The following TRERF1 variants were observed in gnomAD, a reference collection of about 807,000 sequenced individuals.
The protein encoded by TRERF1 is transcriptional regulating factor 1.
In TRERF1, 27 loss-of-function variants were observed where a neutral mutation model predicts 122.9. That is an observed-to-expected ratio of 0.22 (90% CI 0.16 to 0.30). The LOEUF (loss-of-function observed/expected upper bound fraction) is 0.30, where lower values mean the gene tolerates loss of function less well. TRERF1 is among the 10% of genes least tolerant of loss of function. The probability of loss-of-function intolerance (pLI) is 1.00; values close to 1 mark genes in which losing one functional copy is unlikely to be tolerated. For synonymous variants in TRERF1, 636 were observed against 641.7 expected, an observed-to-expected ratio of 0.99 and a Z score of 0.13; for missense variants, 1,248 against 1,560.3, an observed-to-expected ratio of 0.80 and a Z score of 3.37.
chr6:42,439,430 G>C (rs757735174), intron 2 of TRERF1, among the ~76,000 whole-genome samples: 3 of 152,074 alleles, frequency 2.0e-5, no homozygotes, highest in Non-Finnish European at 4.4e-5. Context: ...TTAAGAAGCT[G>C]AAAGTCGGCT....
chr6:42,259,695 A>G lies in TRERF1; in HGVS notation c.1913T>C (p.Val638Ala). The G allele has an allele frequency of 6.2e-7, 1 of 1,604,984 alleles. No homozygotes were observed. The highest frequency in any genetic ancestry group is 8.5e-7 in the Non-Finnish European group (1 of 1,179,960). ...CTTGAGGGGCTCCTCGGCTTTGGGC[A>G]CACTCGGCTGATGCTTCCTGGGGAT... Residue 638 changes from valine to alanine, a missense_variant, in exon 9 of 18, where the codon GTG becomes GCG. By Grantham distance (64) the Val-to-Ala change is moderately conservative. This residue lies in a region of TRERF1 where 946 missense variants were observed against 1,073.0 expected (regional missense o/e 0.88). Transcript: ENST00000372922. This position sits in a 1 kb window ranked among gnomAD's most constrained non-coding sequence, Gnocchi z 4.9.
intron 2 of TRERF1, among the ~76,000 whole-genome samples, chr6:42,388,811 T>G (rs989531971): frequency 1.3e-5 from 2 of 152,180 alleles, no homozygotes; most frequent in Non-Finnish European, 2.9e-5. Context: ...TAGCAGACAG[T>G]CCAGCTTATG....
At chr6:42,246,285 T>A (rs948865529) in intron 14 of TRERF1, among the ~76,000 whole-genome samples, 171 bp downstream of exon 14, 3 of 152,092 alleles carry the variant, frequency 2.0e-5, no homozygotes, top group African/African-American at 7.2e-5. Context: ...CCTGCCACAG[T>A]CCTAACACTG....
intron 2 of TRERF1, among the ~76,000 whole-genome samples, chr6:42,385,612 C>A (rs1776671842): frequency 6.6e-6 from 1 of 152,282 alleles, no homozygotes; most frequent in Admixed American, 6.5e-5. Context: ...TGGCAGGCAC[C>A]TCTAGAAGCC....
chr6:42,372,393 G>A (rs260239), intron 2 of TRERF1, among the ~76,000 whole-genome samples: 1 of 151,868 alleles, frequency 6.6e-6, no homozygotes, highest in Non-Finnish European at 1.5e-5. Context: ...TGGGCTACAG[G>A]GACAGTTCTT....
At position 42,436,812 on chromosome 6, in the gene TRERF1, AAAAT is replaced by A. The variant is rs1346409471; in HGVS notation, c.-454+14361_-454+14364del. ...CAATCTCCCTCTACAAAAAAAAAAAAAAATATATATATATATATATATATATATA... is the reference window on the plus strand; with the variant it reads ...CAATCTCCCTCTACAAAAAAAAAAAAATATATATATATATATATATATATA... On this transcript the variant is annotated intron_variant, in intron 2 of 17. Transcript: ENST00000372922. Among the ~76,000 whole-genome samples, 824 of 97,752 alleles carry A rather than the reference AAAAT, an allele frequency of 8.4e-3. 2 individuals carry two copies. The highest frequency in any genetic ancestry group is 0.029 in the East Asian group (83 of 2,898). The allele number at this position is 97,752 out of a possible 152,430, so 64.1% of individuals were successfully genotyped here.
In TRERF1 at chr6:42,296,769, A is replaced by C. The variant is rs61348418; in HGVS notation, c.-259+3869T>G. 1.1e-3 allele frequency among the ~76,000 whole-genome samples: 174 copies of C among 152,314 alleles called. 1 individual carries two copies. The East Asian group carries it at 0.022, about 19-fold the overall frequency. ...GAAGGGAAGAAGGTGAGAAGGAGAGAGTAGCATAAGGAGGAAAGGAAGCCA... is the reference window on the plus strand; with the variant it reads ...GAAGGGAAGAAGGTGAGAAGGAGAGCGTAGCATAAGGAGGAAAGGAAGCCA... On this transcript the variant is annotated intron_variant, in intron 4 of 17. Coordinates refer to ENST00000372922, the Ensembl canonical transcript of TRERF1.
Position 42,233,487 on chromosome 6 carries a change from G to A in TRERF1, c.3067-595C>T, listed in dbSNP as rs371654678. Among the ~76,000 whole-genome samples, 496 of 151,586 alleles carry A rather than the reference G, an allele frequency of 3.3e-3. 2 individuals carry two copies. Among genetic ancestry groups the A allele is most frequent in the African/African-American group, 5.8e-3 (238 of 41,306 alleles). On this transcript the variant is annotated intron_variant, in intron 16 of 17. Transcript: ENST00000372922. ...GTTTTAGTAGAGACAGGGTTTCACC[G>A]TGTTAGCCAGGATGGTCTCGATCTC...
chr6:42,448,268 T>C (rs1204645504), intron 2 of TRERF1, among the ~76,000 whole-genome samples: 1 of 152,180 alleles, frequency 6.6e-6, no homozygotes, highest in Non-Finnish European at 1.5e-5. Context: ...AACCTTAGAC[T>C]TGACCAAGGA....
chr6:42,287,325 C>A (rs1256740495), intron 4 of TRERF1, among the ~76,000 whole-genome samples: 1 of 151,354 alleles, frequency 6.6e-6, no homozygotes, highest in Admixed American at 6.6e-5. Context: ...TGGGGAAGGG[C>A]AGGTCTGTAA....
intron 3 of TRERF1, among the ~76,000 whole-genome samples, chr6:42,344,173 C>T (rs1465249858): frequency 6.6e-6 from 1 of 152,176 alleles, no homozygotes; most frequent in Non-Finnish European, 1.5e-5. Context: ...AGACCCTGCT[C>T]CATGCCCCCA....
intron 8 of TRERF1, among the ~76,000 whole-genome samples, chr6:42,261,182 C>CA (rs1561849993): frequency 2.0e-5 from 3 of 152,178 alleles, no homozygotes; most frequent in African/African-American, 7.2e-5. Flanking sequence ...GTGCCCCCCC[C>CA]AAGGGGAGCA....
At chr6:42,309,664 GT>G (rs1242972466) in intron 3 of TRERF1, among the ~76,000 whole-genome samples, 1 of 152,206 alleles carries the variant, frequency 6.6e-6, no homozygotes, top group African/African-American at 2.4e-5. Context: ...GCACATTGAA[GT>G]GTGAGCAGCA....
rs192398508 is a variant in TRERF1, at chr6:42,426,378, C to T, written c.-454+24799G>A. Among the ~76,000 whole-genome samples, 8 of 152,272 alleles carry T rather than the reference C, an allele frequency of 5.3e-5. No individual in the cohort carries two copies. The East Asian group carries it at 1.5e-3, about 29-fold the overall frequency. The stretch of plus-strand genomic sequence containing the variant: ...CCTACATGCCAAATGTGAGTAAACA[C>T]AGTACCCCCACACAGACACCAGTGG... On this transcript the variant is annotated intron_variant, in intron 2 of 17. Coordinates refer to ENST00000372922, the Ensembl canonical transcript of TRERF1.
chr6:42,243,254 ATCG>A (rs1346813074), exon 15 of TRERF1: 1 of 1,613,694 alleles, frequency 6.2e-7, no homozygotes, highest in Non-Finnish European at 8.5e-7. Flanking sequence ...TCACCACACA[ATCG>A]TCGATGATTT....
intron 3 of TRERF1, among the ~76,000 whole-genome samples, chr6:42,312,079 C>A (rs1011810766): frequency 2.6e-5 from 4 of 152,142 alleles, no homozygotes; most frequent in Admixed American, 2.0e-4. Context: ...CAACTTGAAA[C>A]CTTTTCCATC....
intron 2 of TRERF1, among the ~76,000 whole-genome samples, chr6:42,407,161 G>A (rs1362105192): frequency 6.6e-6 from 1 of 152,122 alleles, no homozygotes; most frequent in East Asian, 1.9e-4. Flanking sequence ...CCACAAACCA[G>A]GCTTACAAAA....
intron 3 of TRERF1, among the ~76,000 whole-genome samples, chr6:42,308,991 G>C (rs1398253970): frequency 6.6e-6 from 1 of 152,018 alleles, no homozygotes. Context: ...TTAATTTTAT[G>C]TTGGTGAATT....
At chr6:42,360,769 AT>A (rs373891602) in intron 3 of TRERF1, among the ~76,000 whole-genome samples, 1,519 of 67,008 alleles carry the variant, frequency 0.023, 163 homozygotes, top group African/African-American at 0.06. Context: ...GAGTGGAGAG[AT>A]TAAAAAAAAA....
Sources: gnomAD v4.1 joint callset for allele counts (sites outside exome capture counted in the v4.1 genomes callset) on GRCh38, gnomAD v4.1.1 for gene constraint, gnomAD v4.1.1 regional missense constraint, Gnocchi (gnomAD v3.1) non-coding constraint, MANE v1.5 for transcripts, NCBI Gene and HGNC (gene_info 2026-07-23, HGNC 2026-07-21) for gene names.